THSD7B: variants seen among roughly 807,000 people sequenced by gnomAD.
The protein encoded by THSD7B is thrombospondin type 1 domain containing 7B, also known as thrombospondin type-1 domain-containing protein 7B.
THSD7B carries 138 observed loss-of-function variants against 213.6 expected under a neutral mutation model. The ratio of observed to expected loss-of-function variants is 0.65; its 90% CI spans 0.56 to 0.74. The LOEUF (loss-of-function observed/expected upper bound fraction) is 0.74. Ranked by LOEUF, THSD7B falls within the 30% of genes least tolerant of loss-of-function variation. The pLI is 0.00. For missense variants in THSD7B, 1,931 were observed against 1,991.5 expected (o/e 0.97, Z 0.58); for synonymous variants, 742 against 687.0 (o/e 1.08, Z -1.25).
chr2:137,444,989 C>T (rs1687505712), intron 14 of THSD7B, among the ~76,000 whole-genome samples: 1 of 151,262 alleles, frequency 6.6e-6, no homozygotes, highest in African/African-American at 2.4e-5. Flanking sequence ...ATACAAATGG[C>T]CAACAGATGT....
At chr2:137,163,958 A>G (rs1031691715) in intron 6 of THSD7B, among the ~76,000 whole-genome samples, 1 of 152,200 alleles carries the variant, frequency 6.6e-6, no homozygotes, top group Admixed American at 6.5e-5. Flanking sequence ...TTTCTCCATC[A>G]GCCTAAAGAA....
intron 2 of THSD7B, among the ~76,000 whole-genome samples, chr2:136,990,371 G>A (rs1006609026): frequency 6.6e-6 from 1 of 152,204 alleles, no homozygotes; most frequent in African/African-American, 2.4e-5. Context: ...GTAGATCGTT[G>A]TGTCAGCCCA....
chr2:137,633,509 TA>T (rs1257751406), intron 20 of THSD7B, among the ~76,000 whole-genome samples: 4 of 152,180 alleles, frequency 2.6e-5, no homozygotes, highest in Non-Finnish European at 5.9e-5. Flanking sequence ...ATCTGATACC[TA>T]AGATATGGAT....
intron 2 of THSD7B, among the ~76,000 whole-genome samples, chr2:136,888,115 T>G (rs773261555): frequency 1.2e-4 from 18 of 152,168 alleles, no homozygotes; most frequent in Non-Finnish European, 1.9e-4. Flanking sequence ...AGGGGATTAT[T>G]TGACAGATAT....
intron 15 of THSD7B, 71 bp from the exon 16 acceptor site, chr2:137,563,150 C>T (rs1240447881): frequency 3.5e-5 from 53 of 1,529,566 alleles, no homozygotes; most frequent in Non-Finnish European, 4.6e-5. Context: ...GCAAGCATTA[C>T]TAAAAGATAG....
chr2:137,078,340 C>T (rs1205658279), intron 3 of THSD7B, among the ~76,000 whole-genome samples: 1 of 152,022 alleles, frequency 6.6e-6, no homozygotes, highest in African/African-American at 2.4e-5. Context: ...GAATTTTTGC[C>T]ATATGTAAGA....
chr2:137,064,943 T>A (rs918973514), intron 3 of THSD7B, among the ~76,000 whole-genome samples: 1 of 151,882 alleles, frequency 6.6e-6, no homozygotes, highest in Admixed American at 6.6e-5. Flanking sequence ...GTAATGTGAT[T>A]CCTCCAGTTT....
intron 2 of THSD7B, among the ~76,000 whole-genome samples, chr2:136,928,756 G>A (rs1028697237): frequency 1.3e-5 from 2 of 152,018 alleles, no homozygotes; most frequent in Non-Finnish European, 2.9e-5. Flanking sequence ...TTTAACAGAA[G>A]AAAATTATAA....
chr2:137,406,950 A>G (rs1161412117), intron 13 of THSD7B, among the ~76,000 whole-genome samples: 4 of 152,226 alleles, frequency 2.6e-5, no homozygotes, highest in African/African-American at 9.6e-5. Context: ...TCAGGGGCCA[A>G]TGAATGAAAC....
At chr2:137,139,901 T>A (rs1679547030) in intron 5 of THSD7B, among the ~76,000 whole-genome samples, 1 of 152,182 alleles carries the variant, frequency 6.6e-6, no homozygotes, top group Admixed American at 6.6e-5. Flanking sequence ...TCAATGACAC[T>A]TTAATATGAA....
rs184581484 is a variant in THSD7B, at chr2:136,920,849, G to A, written c.139+38532G>A. Among the ~76,000 whole-genome samples, 61 of 152,270 alleles carry A rather than the reference G, an allele frequency of 4.0e-4. No homozygotes were observed. The East Asian group carries it at 7.9e-3, about 20-fold the overall frequency. ...AGCCGAAGTGGCAGGGGGCTTATGC[G>A]TCAGTGCTGCCCTGGCTGGGTTATG... On this transcript the variant is annotated intron_variant, in intron 2 of 27. Transcript: ENST00000409968.
chr2:137,591,298 G>T (rs1681859980), intron 17 of THSD7B, among the ~76,000 whole-genome samples: 1 of 151,710 alleles, frequency 6.6e-6, no homozygotes, highest in Non-Finnish European at 1.5e-5. Flanking sequence ...AACATTTAAA[G>T]ATATTATTTT....
chr2:137,125,240 G>A (rs964863168), intron 5 of THSD7B, among the ~76,000 whole-genome samples: 1 of 152,160 alleles, frequency 6.6e-6, no homozygotes, highest in African/African-American at 2.4e-5. Context: ...ATGAGAGGTT[G>A]TTTGATAGCA....
At chr2:137,409,189 C>T (rs904576480) in intron 13 of THSD7B, among the ~76,000 whole-genome samples, 1 of 152,132 alleles carries the variant, frequency 6.6e-6, no homozygotes, top group Non-Finnish European at 1.5e-5. Context: ...AAAGCTGGCT[C>T]TGACTGCAAT....
chr2:137,224,932 T>A, intron 7 of THSD7B, among the ~76,000 whole-genome samples: 1 of 152,228 alleles, frequency 6.6e-6, no homozygotes, highest in East Asian at 1.9e-4. Context: ...TATTTTTTTC[T>A]TATTCTTCAT....
At chr2:137,375,374 G>A (rs867273657) in intron 12 of THSD7B, among the ~76,000 whole-genome samples, 1 of 152,098 alleles carries the variant, frequency 6.6e-6, no homozygotes, top group Non-Finnish European at 1.5e-5. Flanking sequence ...AACATTGGTT[G>A]TTTACATTGA....
chr2:136,791,748 A>G (rs774048351), intron 1 of THSD7B, among the ~76,000 whole-genome samples: 57 of 152,062 alleles, frequency 3.7e-4, no homozygotes, highest in Non-Finnish European at 7.4e-4. Context: ...ATTGTCTACT[A>G]ATATTCCATT....
chr2:137,653,317 G>C (rs539568811), intron 21 of THSD7B, among the ~76,000 whole-genome samples: 31 of 152,042 alleles, frequency 2.0e-4, no homozygotes, highest in African/African-American at 6.7e-4. Flanking sequence ...TCCTTTATAT[G>C]TTGTTTGCTT....
intron 1 of THSD7B, among the ~76,000 whole-genome samples, chr2:136,864,584 A>G (rs1277605767): frequency 6.7e-6 from 1 of 150,140 alleles, no homozygotes. Context: ...ACAGAGTCTC[A>G]CTCTGTTGCC....
Sources: gnomAD v4.1 joint callset for allele counts (sites outside exome capture counted in the v4.1 genomes callset) on GRCh38, gnomAD v4.1.1 for gene constraint, MANE v1.5 for transcripts, NCBI Gene and HGNC (gene_info 2026-07-23, HGNC 2026-07-21) for gene names.